The following TRPM7 variants were observed in gnomAD, a reference collection of about 807,000 sequenced individuals.
The protein encoded by TRPM7 is LTRPC ion channel family member 7.
In TRPM7, 134 loss-of-function variants were observed where a neutral mutation model predicts 229.7. That is an observed-to-expected ratio of 0.58 (90% CI 0.51 to 0.67). TRPM7 has a LOEUF of 0.67. TRPM7 is among the 30% of genes least tolerant of loss of function. The pLI is 0.00. For missense variants in TRPM7, 1,901 were observed against 2,210.0 expected (o/e 0.86, Z 2.80); for synonymous variants, 699 against 715.2 (o/e 0.98, Z 0.36).
chr15:50,617,172 AAAT>A (rs1179909514), intron 13 of TRPM7, among the ~76,000 whole-genome samples: 2 of 130,140 alleles, frequency 1.5e-5, no homozygotes, highest in Non-Finnish European at 3.3e-5. Context: ...ATAAATAAAT[AAAT>A]AAATAAAATA....
At chr15:50,611,864 T>C (rs1344602316) in intron 16 of TRPM7, among the ~76,000 whole-genome samples, 2 of 152,208 alleles carry the variant, frequency 1.3e-5, no homozygotes, top group Non-Finnish European at 1.5e-5. Flanking sequence ...ACAAACTACT[T>C]TTCCAGTTTA....
At chr15:50,611,511 T>C (rs1233397999) in intron 16 of TRPM7, among the ~76,000 whole-genome samples, 190 bp from the exon 17 acceptor site, 1 of 152,228 alleles carries the variant, frequency 6.6e-6, no homozygotes, top group Non-Finnish European at 1.5e-5. Context: ...TATTAAAATA[T>C]GTCGCATTAT....
intron 22 of TRPM7, among the ~76,000 whole-genome samples, chr15:50,596,871 C>T (rs779986343): frequency 1.3e-5 from 2 of 152,152 alleles, no homozygotes; most frequent in African/African-American, 4.8e-5. Flanking sequence ...CTGCCTCAGC[C>T]GCCCGAATAG....
intron 6 of TRPM7, 76 bp downstream of exon 6, chr15:50,639,348 T>G: frequency 1.6e-6 from 2 of 1,228,610 alleles, no homozygotes; most frequent in Non-Finnish European, 2.2e-6. Context: ...ATAAATATTT[T>G]AAACTGGCAC....
intron 38 of TRPM7, among the ~76,000 whole-genome samples, chr15:50,568,984 AAAACAAACAAAT>A (rs1328378744): frequency 6.6e-6 from 1 of 152,152 alleles, no homozygotes; most frequent in Non-Finnish European, 1.5e-5. Context: ...CCCTGTCTCA[AAAACAAACAAAT>A]AAACAAACAA....
chr15:50,639,602 G>T (rs999206940), intron 5 of TRPM7, 54 bp from the exon 6 acceptor site: 3 of 1,543,190 alleles, frequency 1.9e-6, no homozygotes, highest in Non-Finnish European at 8.8e-7. Context: ...TTAAAGACAG[G>T]GTCACCCAGG....
intron 28 of TRPM7, among the ~76,000 whole-genome samples, chr15:50,585,990 T>C: frequency 6.8e-6 from 1 of 147,414 alleles, no homozygotes; most frequent in East Asian, 2.3e-4. Flanking sequence ...GGGAACAGAG[T>C]GAGAGAGAAA....
chr15:50,606,572 C>T (rs535859471), intron 20 of TRPM7, among the ~76,000 whole-genome samples: 2 of 152,156 alleles, frequency 1.3e-5, no homozygotes, highest in Admixed American at 1.3e-4. Flanking sequence ...AATCTCAGTT[C>T]ACTGCAACCT....
At chr15:50,605,203 A>G in intron 20 of TRPM7, 59 bp from the exon 21 acceptor site, 1 of 1,294,532 alleles carries the variant, frequency 7.7e-7, no homozygotes, top group Admixed American at 2.3e-5. Context: ...TAAAACACAT[A>G]CAGCATTCAA....
Position 50,592,174 on chromosome 15 carries a change from G to T in TRPM7, c.4061C>A (p.Ala1354Asp), listed in dbSNP as rs780272205. The change falls in exon 26 of 39, where the codon GCC becomes GAC. Residue 1354 changes from alanine (A) to aspartate (D), a missense_variant. This residue lies in a region of TRPM7 where 533 missense variants were observed against 497.1 expected (regional missense o/e 1.07). Coordinates refer to ENST00000646667, the MANE Select transcript of TRPM7 (RefSeq NM_017672.6). Reference sequence around the variant, plus strand: ...AGGGGAAACAGCACTTGGGAATAAGGCACCAGAAGAGGAACCAGCCTCTGG... The same window carrying T: ...AGGGGAAACAGCACTTGGGAATAAGTCACCAGAAGAGGAACCAGCCTCTGG... Reference protein sequence around the residue: ...NFPEAGSSSGALFPSAVSPPE... With the variant: ...NFPEAGSSSGDLFPSAVSPPE... The T allele has an allele frequency of 5.6e-6, 9 of 1,614,038 alleles. No homozygotes were observed. The highest frequency in any genetic ancestry group is 4.4e-5 in the South Asian group (4 of 91,076).
chr15:50,582,331 T>C (rs1414578163), intron 29 of TRPM7: 1 of 152,222 alleles, frequency 6.6e-6, no homozygotes, highest in Admixed American at 6.5e-5. Context: ...CCTTCTTTTC[T>C]CATGTTTTAT....
intron 16 of TRPM7, among the ~76,000 whole-genome samples, chr15:50,612,228 CCA>C (rs1347528357): frequency 1.3e-5 from 2 of 152,112 alleles, no homozygotes; most frequent in African/African-American, 4.8e-5. Context: ...GTAGCTGGGA[CCA>C]CAGACAAGTA....
chr15:50,670,166 G>C (rs1382279501), intron 1 of TRPM7, among the ~76,000 whole-genome samples: 1 of 152,076 alleles, frequency 6.6e-6, no homozygotes, highest in East Asian at 1.9e-4. Flanking sequence ...ACCCCATTCA[G>C]CAAGAAGAGG....
chr15:50,667,636 G>A (rs535142846), intron 1 of TRPM7, among the ~76,000 whole-genome samples: 2 of 152,294 alleles, frequency 1.3e-5, no homozygotes, highest in East Asian at 3.9e-4. Context: ...GAACCCAGGA[G>A]GTGGAGGTAA....
At chr15:50,647,799 C>T (rs1029019284) in intron 4 of TRPM7, among the ~76,000 whole-genome samples, 2 of 152,042 alleles carry the variant, frequency 1.3e-5, no homozygotes, top group Non-Finnish European at 2.9e-5. Context: ...GTGGGATCCA[C>T]GTTTATGGTT....
intron 26 of TRPM7, among the ~76,000 whole-genome samples, chr15:50,590,137 T>C (rs1325135178): frequency 6.6e-6 from 1 of 152,206 alleles, no homozygotes; most frequent in African/African-American, 2.4e-5. Flanking sequence ...ATTACAGGCC[T>C]GAGCCACCGC....
At chr15:50,629,637 G>C (rs1017664996) in intron 10 of TRPM7, among the ~76,000 whole-genome samples, 1 of 151,896 alleles carries the variant, frequency 6.6e-6, no homozygotes, top group Admixed American at 6.6e-5. Context: ...TTTTCTAAGA[G>C]GTAGTCATCT....
chr15:50,646,324 C>T (rs1357750366), intron 4 of TRPM7, among the ~76,000 whole-genome samples: 7 of 152,126 alleles, frequency 4.6e-5, no homozygotes, highest in Admixed American at 4.6e-4. Context: ...CTCTGTTGCC[C>T]AGGCTAGACT....
intron 2 of TRPM7, among the ~76,000 whole-genome samples, chr15:50,662,055 T>TA (rs974783203): frequency 6.6e-6 from 1 of 152,010 alleles, no homozygotes; most frequent in Non-Finnish European, 1.5e-5. Flanking sequence ...CTGTTTCTAC[T>TA]AAAAATACAA....
Sources: gnomAD v4.1 joint callset for allele counts (sites outside exome capture counted in the v4.1 genomes callset) on GRCh38, gnomAD v4.1.1 for gene constraint, gnomAD v4.1.1 regional missense constraint, MANE v1.5 for transcripts, NCBI Gene and HGNC (gene_info 2026-07-23, HGNC 2026-07-21) for gene names.